Variants in EIF2A observed in about 807,000 individuals in gnomAD.
EIF2A encodes eukaryotic translation initiation factor 2A, also known as 65 kDa eukaryotic translation initiation factor 2A.
In EIF2A, 62 loss-of-function variants were observed where a neutral mutation model predicts 75.2. The observed-to-expected ratio is 0.82, with a 90% CI of 0.67 to 1.02. EIF2A has a LOEUF of 1.02. Ranked by LOEUF, EIF2A falls within the 50% of genes least tolerant of loss-of-function variation. The pLI is 0.00. For synonymous variants in EIF2A, 207 were observed against 239.0 expected, an observed-to-expected ratio of 0.87 and a Z score of 1.23; for missense variants, 611 against 677.7, an observed-to-expected ratio of 0.90 and a Z score of 1.09.
At chr3:150,563,181 CAT>C (rs1469900089) in intron 4 of EIF2A, among the ~76,000 whole-genome samples, 1 of 152,008 alleles carries the variant, frequency 6.6e-6, no homozygotes, top group African/African-American at 2.4e-5. Context: ...TTTTAAGAAA[CAT>C]TTTCTAATAA....
At chr3:150,567,385 C>T (rs1164526482) in intron 6 of EIF2A, 4 of 230,542 alleles carry the variant, frequency 1.7e-5, no homozygotes, top group Admixed American at 1.1e-4. Flanking sequence ...GGATAACTGA[C>T]ATTTATCAAA....
At chr3:150,567,368 G>A (rs1576597647) in intron 6 of EIF2A, 1 of 203,180 alleles carries the variant, frequency 4.9e-6, no homozygotes, top group Non-Finnish European at 9.8e-6. Flanking sequence ...TTCAGCGATT[G>A]AAGAGAGGAT....
rs754828431 is a variant in EIF2A at position 150,562,677 on chromosome 3, T to G, written c.292+17T>G. 4 of 1,581,428 alleles carry G rather than the reference T, an allele frequency of 2.5e-6. No homozygotes were observed. Among genetic ancestry groups the G allele is most frequent in the Non-Finnish European group, 3.5e-6 (4 of 1,153,832 alleles). On this transcript the variant is annotated intron_variant, in intron 4 of 13. Coordinates refer to ENST00000460851, the MANE Select transcript of EIF2A (RefSeq NM_032025.5). Reference sequence around the variant, plus strand: ...CTTACACTAGTAAGTATTTTCTCAGTGTAAAAATACTCTGACACGATCAAT... The same window carrying G: ...CTTACACTAGTAAGTATTTTCTCAGGGTAAAAATACTCTGACACGATCAAT...
At chr3:150,560,654 T>C (rs761076331) in intron 3 of EIF2A, among the ~76,000 whole-genome samples, 17 of 152,100 alleles carry the variant, frequency 1.1e-4, no homozygotes, top group Admixed American at 5.9e-4. Context: ...ACCTCAGTTA[T>C]CTTCCTCAAA....
rs764532622 is a variant in EIF2A at position 150,583,898 on chromosome 3, A to C, written c.1745A>C (p.Glu582Ala). 142 of 1,613,434 alleles carry C rather than the reference A, an allele frequency of 8.8e-5. No homozygotes were observed. Among genetic ancestry groups the C allele is most frequent in the Middle Eastern group, 1.6e-4 (1 of 6,078 alleles). The change falls in exon 14 of 14, where the codon GAA becomes GCA. Residue 582 changes from glutamate to alanine, a missense_variant. Physicochemically the swap from Glu to Ala is moderately radical, Grantham distance 107. Transcript: ENST00000460851. ...CTTCTCCAGGAGCTGGAAGATTTGG[A>C]ATTGGGTATTTAAAGATTCACGGAA... Reference protein sequence around the residue: ...TALLQELEDLELGI With the variant: ...TALLQELEDLALGI
At chr3:150,581,799 A>G (rs756437864) in intron 12 of EIF2A, 53 bp downstream of exon 12, 30 of 1,545,836 alleles carry the variant, frequency 1.9e-5, no homozygotes, top group Admixed American at 8.0e-5. Context: ...TGAAAATTAT[A>G]TAAGTAAGAG....
Position 150,568,257 on chromosome 3 carries a change from T to C in EIF2A, c.776T>C (p.Ile259Thr), listed in dbSNP as rs752217036. The C allele has an allele frequency of 1.2e-6, 2 of 1,613,410 alleles. No individual in the cohort carries two copies. Among genetic ancestry groups the C allele is most frequent in the Admixed American group, 3.3e-5 (2 of 59,918 alleles). Residue 259 changes from isoleucine to threonine, a missense_variant, in exon 9 of 14, where the codon ATT becomes ACT. Ile to Thr is a moderately conservative substitution (Grantham distance 89). Coordinates refer to ENST00000460851, the MANE Select transcript of EIF2A (RefSeq NM_032025.5). Reference sequence around the variant, plus strand: ...TATGGAGAACAAACTCTACACTACATTGCAACAAATGGAGAAAGTGCTGTA... The same window carrying C: ...TATGGAGAACAAACTCTACACTACACTGCAACAAATGGAGAAAGTGCTGTA... ...SYYGEQTLHY[I>T]ATNGESAVVQ...
rs1371644151 is a variant in EIF2A at position 150,572,219 on chromosome 3, C to T, written c.1073C>T (p.Ser358Phe). Residue 358 changes from serine to phenylalanine, a missense_variant, in exon 10 of 14, where the codon TCT becomes TTT. Transcript: ENST00000460851. ...AAACTTATTTCTAAACCGGTGGCTTCTGATTCTACATATTTTGCTTGGTGC... is the reference window on the plus strand; with the variant it reads ...AAACTTATTTCTAAACCGGTGGCTTTTGATTCTACATATTTTGCTTGGTGC... Reference protein sequence around the residue: ...NYKLISKPVASDSTYFAWCPD... With the variant: ...NYKLISKPVAFDSTYFAWCPD... 6.2e-7 allele frequency: 1 copy of T among 1,613,814 alleles called. No homozygotes were observed. The highest frequency in any genetic ancestry group is 8.5e-7 in the Non-Finnish European group (1 of 1,179,882).
At chr3:150,559,336 T>TA (rs938834094) in intron 3 of EIF2A, among the ~76,000 whole-genome samples, 4 of 151,884 alleles carry the variant, frequency 2.6e-5, no homozygotes, top group African/African-American at 9.7e-5. Context: ...CTTTTATAAT[T>TA]AAAAAAAATT....
intron 2 of EIF2A, 84 bp from the exon 3 acceptor site, chr3:150,558,304 G>T: frequency 8.3e-7 from 1 of 1,209,566 alleles, no homozygotes; most frequent in South Asian, 1.7e-5. Context: ...TAAATTGATA[G>T]TGAAATGGTT....
At chr3:150,583,378 G>C (rs936028239) in intron 13 of EIF2A, 113 bp downstream of exon 13, 9 of 943,170 alleles carry the variant, frequency 9.5e-6, no homozygotes, top group Non-Finnish European at 1.4e-5. Context: ...AACTTATTTT[G>C]AAAACCATAT....
intron 3 of EIF2A, among the ~76,000 whole-genome samples, chr3:150,562,158 C>T (rs1042875306): frequency 2.0e-5 from 3 of 152,036 alleles, no homozygotes; most frequent in South Asian, 2.1e-4. Context: ...CATGGTGGCT[C>T]ACGCCTGTAA....
chr3:150,581,888 C>A, intron 12 of EIF2A, 142 bp downstream of exon 12: 1 of 978,116 alleles, frequency 1.0e-6, no homozygotes, highest in Non-Finnish European at 1.5e-6. Flanking sequence ...CTATGAAGCA[C>A]TGTTCACTTA....
intron 2 of EIF2A, among the ~76,000 whole-genome samples, chr3:150,555,299 C>T (rs566675882): frequency 6.6e-6 from 1 of 152,034 alleles, no homozygotes; most frequent in African/African-American, 2.4e-5. Context: ...TCTTGTTGCC[C>T]AGGCTGGAGT....
intron 5 of EIF2A, 139 bp from the exon 6 acceptor site, chr3:150,564,160 C>T (rs1296671214): frequency 1.5e-6 from 1 of 652,496 alleles, no homozygotes; most frequent in African/African-American, 1.9e-5. Flanking sequence ...TAGTAACTGA[C>T]TTAATATCAT....
In EIF2A at chr3:150,584,204, TATATACCATGTAA is replaced by T. The variant is rs1445058819; in HGVS notation, c.*296_*308del. 7.5e-6 allele frequency: 2 copies of T among 265,708 alleles called. No homozygotes were observed. The highest frequency in any genetic ancestry group is 4.4e-5 in the African/African-American group (2 of 45,070). The allele number at this position is 265,708 out of a possible 1,614,324, so 16.5% of individuals were successfully genotyped here. A position where few individuals can be genotyped will look rare whatever the true frequency, so the allele number is the denominator to read the frequency against. ...TGTCATTTTTTTTTGTAGAGGGTGA[TATATACCATGTAA>T]ATGAACAAAGACATTTTAAATTTAA... On this transcript the variant is annotated 3_prime_UTR_variant, in exon 14 of 14. Transcript: ENST00000460851.
intron 11 of EIF2A, among the ~76,000 whole-genome samples, chr3:150,579,616 G>A (rs1725056898): frequency 6.6e-6 from 1 of 151,762 alleles, no homozygotes; most frequent in South Asian, 2.1e-4. Flanking sequence ...TTGGGAGGCT[G>A]AGGCAGGAAA....
chr3:150,568,519 T>G (rs1241264816), intron 9 of EIF2A, among the ~76,000 whole-genome samples: 1 of 152,246 alleles, frequency 6.6e-6, no homozygotes, highest in East Asian at 1.9e-4. Context: ...GTTTTAGAAG[T>G]GAACTTCCTG....
chr3:150,559,144 G>A (rs1723718612), intron 3 of EIF2A, among the ~76,000 whole-genome samples: 1 of 152,108 alleles, frequency 6.6e-6, no homozygotes, highest in Admixed American at 6.5e-5. Flanking sequence ...GTTTTTCAAA[G>A]GGGAGAAACT....
Sources: gnomAD v4.1 joint callset for allele counts (sites outside exome capture counted in the v4.1 genomes callset) on GRCh38, gnomAD v4.1.1 for gene constraint, MANE v1.5 for transcripts, NCBI Gene and HGNC (gene_info 2026-07-23, HGNC 2026-07-21) for gene names.